The following KIAA1217 variants were observed in gnomAD, a reference collection of about 807,000 sequenced individuals.
The protein encoded by KIAA1217 is KIAA1217.
Under a neutral mutation model 163.9 loss-of-function variants are expected in KIAA1217, and 88 were observed. That is an observed-to-expected ratio of 0.54 (90% confidence interval 0.45 to 0.64). KIAA1217 has a LOEUF of 0.64. Among genes scored for constraint, KIAA1217 ranks in the 30% least tolerant of loss-of-function variants. KIAA1217 has a pLI of 0.00. For missense variants in KIAA1217, 2,372 were observed against 2,475.0 expected, an observed-to-expected ratio of 0.96 and a Z score of 0.88; for synonymous variants, 903 against 923.1, an observed-to-expected ratio of 0.98 and a Z score of 0.39.
intron 2 of KIAA1217, among the ~76,000 whole-genome samples, chr10:24,136,626 A>G (rs766123988): frequency 2.0e-5 from 3 of 152,156 alleles, no homozygotes; most frequent in Non-Finnish European, 2.9e-5. Flanking sequence ...TATGATTTGT[A>G]TTGACTGTCT....
chr10:24,467,094 C>T (rs936693875), intron 5 of KIAA1217, among the ~76,000 whole-genome samples: 2 of 151,682 alleles, frequency 1.3e-5, no homozygotes, highest in African/African-American at 4.8e-5. Flanking sequence ...TCTTATCTTA[C>T]GTTCAAGAAA....
At position 24,293,231 on chromosome 10, in the gene KIAA1217, TTTTG is replaced by T. The variant is rs1288658352; in HGVS notation, c.354+73330_354+73333del. On this transcript the variant is annotated intron_variant, in intron 2 of 20. Transcript: ENST00000376454. ...CTAATTTTGTTGTTGTTGTTGTTTG[TTTTG>T]TTTGTTTTTGTTTTTAGTAGAGACA... Among the ~76,000 whole-genome samples the T allele has an allele frequency of 2.6e-5, 4 of 151,824 alleles. No individual in the cohort carries two copies. In the East Asian group the frequency reaches 7.8e-4, roughly 29 times the overall value.
At chr10:24,325,815 A>G (rs544355885) in intron 2 of KIAA1217, among the ~76,000 whole-genome samples, 1 of 152,338 alleles carries the variant, frequency 6.6e-6, no homozygotes, top group African/African-American at 2.4e-5. Context: ...GGAAGAAAAT[A>G]AAGAAATAAT....
chr10:24,456,257 G>C (rs2061779304), intron 5 of KIAA1217, among the ~76,000 whole-genome samples: 1 of 152,198 alleles, frequency 6.6e-6, no homozygotes, highest in Non-Finnish European at 1.5e-5. Flanking sequence ...GCTGCATCCA[G>C]AGTCCTCATT....
chr10:24,383,185 G>T (rs896451809), intron 3 of KIAA1217, among the ~76,000 whole-genome samples: 5 of 152,088 alleles, frequency 3.3e-5, no homozygotes, highest in Non-Finnish European at 7.4e-5. Flanking sequence ...ACACTTAGGA[G>T]CCAGGCAAGG....
chr10:23,917,758 C>T (rs556244077), intron 1 of KIAA1217, among the ~76,000 whole-genome samples: 5 of 152,298 alleles, frequency 3.3e-5, no homozygotes, highest in African/African-American at 1.2e-4. Flanking sequence ...GCTCCCACAG[C>T]ACATCCTATG....
intron 17 of KIAA1217, among the ~76,000 whole-genome samples, chr10:24,537,554 G>C (rs1487602450): frequency 6.6e-6 from 1 of 150,614 alleles, no homozygotes; most frequent in Non-Finnish European, 1.5e-5. Flanking sequence ...TCCAGCCTGG[G>C]CAACAAGAGC....
chr10:24,502,951 A>G (rs1251928142), intron 9 of KIAA1217, among the ~76,000 whole-genome samples: 1 of 152,058 alleles, frequency 6.6e-6, no homozygotes, highest in African/African-American at 2.4e-5. Context: ...GCACCATTGC[A>G]CTCCAGCCTG....
chr10:24,112,878 G>A (rs1205995163), intron 2 of KIAA1217, among the ~76,000 whole-genome samples: 4 of 152,038 alleles, frequency 2.6e-5, no homozygotes, highest in East Asian at 1.9e-4. Context: ...GAGCCACCAC[G>A]CCTGGCCATG....
chr10:23,911,558 A>G (rs1436893252), intron 1 of KIAA1217, among the ~76,000 whole-genome samples: 1 of 152,190 alleles, frequency 6.6e-6, no homozygotes, highest in Non-Finnish European at 1.5e-5. Flanking sequence ...TTTCTCTGCC[A>G]AGCCATTCTC....
At chr10:24,404,809 AG>A (rs1455415552) in intron 3 of KIAA1217, among the ~76,000 whole-genome samples, 2 of 152,188 alleles carry the variant, frequency 1.3e-5, no homozygotes, top group East Asian at 3.9e-4. Context: ...CTCTGCAACA[AG>A]GGACAAACTG....
chr10:24,371,020 A>G (rs532709101), intron 2 of KIAA1217, among the ~76,000 whole-genome samples: 1 of 152,316 alleles, frequency 6.6e-6, no homozygotes, highest in African/African-American at 2.4e-5. Flanking sequence ...TAATTTTCTA[A>G]CTTGGTAGAA....
At chr10:23,792,368 A>T (rs945910771) in intron 1 of KIAA1217, among the ~76,000 whole-genome samples, 1 of 152,228 alleles carries the variant, frequency 6.6e-6, no homozygotes, top group Non-Finnish European at 1.5e-5. Context: ...ATGAACAAAT[A>T]TGATTAATTT....
At chr10:24,284,479 T>C (rs973476743) in intron 2 of KIAA1217, among the ~76,000 whole-genome samples, 1 of 152,212 alleles carries the variant, frequency 6.6e-6, no homozygotes, top group Non-Finnish European at 1.5e-5. Flanking sequence ...ACATATGATA[T>C]CTGATTTTAT....
intron 9 of KIAA1217, among the ~76,000 whole-genome samples, chr10:24,505,913 T>C (rs1375858553): frequency 1.3e-5 from 2 of 152,202 alleles, no homozygotes; most frequent in Non-Finnish European, 2.9e-5. Context: ...GGGTCTCATT[T>C]ATCTTCTGAC....
At chr10:24,065,810 A>G (rs563332345) in intron 2 of KIAA1217, among the ~76,000 whole-genome samples, 1 of 152,300 alleles carries the variant, frequency 6.6e-6, no homozygotes, top group African/African-American at 2.4e-5. Flanking sequence ...GACTTGCTTT[A>G]TGAATCTGAG....
intron 1 of KIAA1217, among the ~76,000 whole-genome samples, chr10:23,855,802 A>G (rs1433279663): frequency 6.6e-6 from 1 of 152,204 alleles, no homozygotes; most frequent in East Asian, 1.9e-4. Flanking sequence ...AGTTGATCGC[A>G]TCGGCTCCTG....
chr10:23,784,934 GA>G (rs1418064263), intron 1 of KIAA1217, among the ~76,000 whole-genome samples: 1 of 151,120 alleles, frequency 6.6e-6, no homozygotes, highest in African/African-American at 2.4e-5. Flanking sequence ...CTATTGTTTT[GA>G]AAAAAAACCA....
At chr10:23,870,819 C>T (rs1037668302) in intron 1 of KIAA1217, among the ~76,000 whole-genome samples, 1 of 152,026 alleles carries the variant, frequency 6.6e-6, no homozygotes, top group Non-Finnish European at 1.5e-5. Context: ...TCATCAGCAC[C>T]CTAAGTCAAT....
Sources: allele counts gnomAD v4.1 joint callset (sites outside exome capture counted in the v4.1 genomes callset), GRCh38; gene constraint gnomAD v4.1.1; transcripts MANE v1.5; gene names NCBI Gene and HGNC (gene_info 2026-07-23, HGNC 2026-07-21).